The following RNF128 variants were observed in gnomAD, a reference collection of about 807,000 sequenced individuals.
RNF128 encodes the protein E3 ubiquitin-protein ligase RNF128.
In RNF128, 13 loss-of-function variants were observed where a neutral mutation model predicts 26.2. That is an observed-to-expected ratio of 0.50 (90% CI 0.32 to 0.79). The LOEUF (loss-of-function observed/expected upper bound fraction) is 0.79, where lower values mean the gene tolerates loss of function less well. RNF128 is among the 30% of genes least tolerant of loss of function. The probability of loss-of-function intolerance (pLI) is 0.03; values close to 1 mark genes in which losing one functional copy is unlikely to be tolerated. For synonymous variants in RNF128, 149 were observed against 142.5 expected, an observed-to-expected ratio of 1.05 and a Z score of -0.32; for missense variants, 315 against 349.7, an observed-to-expected ratio of 0.90 and a Z score of 0.79.
At chrX:106,754,051 A>G (rs1365656249) in intron 1 of RNF128, among the ~76,000 whole-genome samples, 1 of 111,715 alleles carries the variant, frequency 9.0e-6, no homozygotes, top group Non-Finnish European at 1.9e-5. Flanking sequence ...ATCCGGACAG[A>G]AAATCCACAA....
At chrX:106,716,251 A>G (rs758508447) in intron 1 of RNF128, among the ~76,000 whole-genome samples, 34 of 111,718 alleles carry the variant, frequency 3.0e-4, no homozygotes, top group Non-Finnish European at 5.8e-4. Flanking sequence ...CCCTCACAGC[A>G]CTTATCTCTC....
chrX:106,720,580 T>C (rs1280619411), intron 1 of RNF128, among the ~76,000 whole-genome samples: 1 of 110,391 alleles, frequency 9.1e-6, no homozygotes, highest in East Asian at 2.8e-4. Context: ...GTTCTTAGCA[T>C]GGTAAAATGT....
At chrX:106,695,680 T>C (rs1344896087) in intron 1 of RNF128, among the ~76,000 whole-genome samples, 2 of 111,871 alleles carry the variant, frequency 1.8e-5, no homozygotes, top group Middle Eastern at 4.2e-3. Flanking sequence ...CGAGTGACTT[T>C]CATTTTTGTA....
intron 1 of RNF128, among the ~76,000 whole-genome samples, chrX:106,745,728 C>T (rs187524590): frequency 1.4e-4 from 16 of 111,408 alleles, no homozygotes; most frequent in East Asian, 8.4e-4. Context: ...AATCAAGAAA[C>T]GCAAATTTGG....
In RNF128 at chrX:106,726,777, C is replaced by T; in HGVS notation, c.-137C>T. 2 of 1,069,058 alleles carry T rather than the reference C, an allele frequency of 1.9e-6. No homozygotes were observed. Among genetic ancestry groups the T allele is most frequent in the Non-Finnish European group, 2.4e-6 (2 of 832,764 alleles). The allele number at this position is 1,069,058 out of a possible 1,213,427, so 88.1% of individuals were successfully genotyped here. On this transcript the variant is annotated 5_prime_UTR_variant, in exon 1 of 7. Transcript: ENST00000255499. ...TGTGCTGACGCTACGTGCCTCCTGG[C>T]TCCGACGTAGCTCGCAGCTCCCCAG... is the stretch of plus-strand genomic sequence containing the variant.
At position 106,694,428 on chromosome X, in the gene RNF128, CAA is replaced by C. The variant is rs748194045; in HGVS notation, c.406+22_406+23del. ...ATTTTGGTAAGTAATAATTGATTCACAAAGAGAGTTAATGTCCGTTTATCTTA... is the reference window on the plus strand; with the variant it reads ...ATTTTGGTAAGTAATAATTGATTCACAGAGAGTTAATGTCCGTTTATCTTA... On this transcript the variant is annotated intron_variant, in intron 1 of 6. Coordinates refer to the RNF128 transcript ENST00000324342. 28 of 1,132,736 alleles carry C rather than the reference CAA, an allele frequency of 2.5e-5. No homozygotes were observed. In the South Asian group the frequency reaches 5.3e-4, roughly 21 times the overall value. 93.4% of individuals were successfully genotyped at this position (1,132,736 alleles called of 1,213,427 possible).
At chrX:106,723,424 G>A (rs191434346), upstream of RNF128, among the ~76,000 whole-genome samples, 37 of 110,447 alleles carry the variant, frequency 3.4e-4, no homozygotes, top group African/African-American at 1.1e-3. Flanking sequence ...AAAATTAGCC[G>A]GGCATGGTGG....
intron 1 of RNF128, among the ~76,000 whole-genome samples, chrX:106,742,879 T>C (rs1437883492): frequency 2.7e-5 from 3 of 111,303 alleles, no homozygotes; most frequent in African/African-American, 9.8e-5. Flanking sequence ...TGCACAACTA[T>C]GTATATAGTG....
chrX:106,750,494 G>A (rs1313922241), intron 1 of RNF128, among the ~76,000 whole-genome samples: 1 of 111,324 alleles, frequency 9.0e-6, no homozygotes, highest in Admixed American at 9.6e-5. Context: ...GTTGACGTGA[G>A]GATTAAATAT....
chrX:106,724,202 T>C (rs1186381527), upstream of RNF128, among the ~76,000 whole-genome samples: 1 of 111,196 alleles, frequency 9.0e-6, no homozygotes, highest in African/African-American at 3.3e-5. Context: ...TTCTCTTTCA[T>C]CCCCCAAACC....
chrX:106,716,841 G>C (rs1377711252), intron 1 of RNF128, among the ~76,000 whole-genome samples: 1 of 111,370 alleles, frequency 9.0e-6, no homozygotes, highest in Non-Finnish European at 1.9e-5. Flanking sequence ...GTAAAATACA[G>C]TGAAGAGGTA....
intron 1 of RNF128, among the ~76,000 whole-genome samples, chrX:106,717,387 C>G (rs940343093): frequency 2.7e-5 from 3 of 111,581 alleles, no homozygotes; most frequent in African/African-American, 9.8e-5. Flanking sequence ...AATATCACTT[C>G]TCTTTTCTAG....
chrX:106,725,252 C>A (rs1343604604), upstream of RNF128, among the ~76,000 whole-genome samples: 1 of 111,541 alleles, frequency 9.0e-6, no homozygotes, highest in Non-Finnish European at 1.9e-5. Flanking sequence ...CCACTTTGAC[C>A]TCTAAAGTCC....
chrX:106,712,592 G>A (rs1026552443), intron 1 of RNF128, among the ~76,000 whole-genome samples: 22 of 110,860 alleles, frequency 2.0e-4, no homozygotes, highest in Admixed American at 2.9e-4. Context: ...CATTCTCCAC[G>A]TTTTTTTCTG....
chrX:106,704,156 C>T (rs1439721327), intron 1 of RNF128, among the ~76,000 whole-genome samples: 1 of 110,446 alleles, frequency 9.1e-6, no homozygotes, highest in African/African-American at 3.3e-5. Context: ...GGGGAGTAGG[C>T]CGGGCGCGGT....
chrX:106,755,211 G>A (rs1322548407), intron 1 of RNF128, among the ~76,000 whole-genome samples: 5 of 111,340 alleles, frequency 4.5e-5, no homozygotes, highest in Non-Finnish European at 9.4e-5. Context: ...GGATCAGGAA[G>A]AAAACCAAAA....
At chrX:106,768,326 C>G (rs1392343287) in intron 1 of RNF128, among the ~76,000 whole-genome samples, 1 of 111,650 alleles carries the variant, frequency 9.0e-6, no homozygotes, top group Non-Finnish European at 1.9e-5. Flanking sequence ...TAGACCTCGG[C>G]TGTGAATCCA....
intron 3 of RNF128, among the ~76,000 whole-genome samples, chrX:106,787,336 A>T (rs1030218546): frequency 9.0e-6 from 1 of 111,554 alleles, no homozygotes. Context: ...AAGTTTAAAA[A>T]GCCAGACTCA....
At chrX:106,786,801 A>C (rs1313019244) in intron 3 of RNF128, among the ~76,000 whole-genome samples, 1 of 111,390 alleles carries the variant, frequency 9.0e-6, no homozygotes, top group African/African-American at 3.3e-5. Context: ...CAAAACAGAC[A>C]ATTCACCAAA....
Sources: allele counts gnomAD v4.1 joint callset (sites outside exome capture counted in the v4.1 genomes callset), GRCh38; gene constraint gnomAD v4.1.1; transcripts MANE v1.5; gene names NCBI Gene and HGNC (gene_info 2026-07-23, HGNC 2026-07-21).